TGS1: variants seen among roughly 807,000 people sequenced by gnomAD.
TGS1 encodes trimethylguanosine synthase 1, also known as trimethylguanosine synthase.
In TGS1, 69 loss-of-function variants were observed where a neutral mutation model predicts 92.2. The observed-to-expected ratio is 0.75, with a 90% CI of 0.62 to 0.91. The LOEUF (loss-of-function observed/expected upper bound fraction) is 0.91. Among genes scored for constraint, TGS1 ranks in the 40% least tolerant of loss-of-function variants. The pLI is 0.00. For missense variants in TGS1, 1,062 were observed against 1,001.2 expected, an observed-to-expected ratio of 1.06 and a Z score of -0.82; for synonymous variants, 345 against 338.1, an observed-to-expected ratio of 1.02 and a Z score of -0.22.
At chr8:55,812,748 A>G (rs1205435022) in intron 11 of TGS1, among the ~76,000 whole-genome samples, 1 of 152,128 alleles carries the variant, frequency 6.6e-6, no homozygotes, top group Non-Finnish European at 1.5e-5. Flanking sequence ...AAAAAATAAA[A>G]TTTAGAGTGT....
Position 55,786,815 on chromosome 8 carries a change from G to C in TGS1, c.917G>C (p.Ser306Thr). 1.2e-6 allele frequency: 2 copies of C among 1,614,108 alleles called. No homozygotes were observed. The highest frequency in any genetic ancestry group is 2.7e-5 in the African/African-American group (2 of 75,042). ...PSSPIMVDND[S>T]SGTSDKDHSE... ...TCACCTATTATGGTTGATAATGATA[G>C]CTCTGGTACAAGTGATAAGGATCAT... Residue 306 changes from serine to threonine, a missense_variant, in exon 4 of 13, where the codon AGC becomes ACC. Physicochemically the swap from Ser to Thr is moderately conservative, Grantham distance 58. Coordinates refer to ENST00000260129, the MANE Select transcript of TGS1 (RefSeq NM_024831.8).
In TGS1 at chr8:55,773,669, G is replaced by A; in HGVS notation, c.51G>A (p.Glu17=). 4 of 1,611,008 alleles carry A rather than the reference G, an allele frequency of 2.5e-6. No homozygotes were observed. The highest frequency in any genetic ancestry group is 1.3e-5 in the African/African-American group (1 of 74,930). The change falls in exon 1 of 13, where the codon GAG becomes GAA. Residue 17 remains glutamate (E), a synonymous_variant. Transcript: ENST00000260129. ...TGGCGGAAATGTTTCTCTTCATTGA[G>A]GAGCGGGAGGATTGTAAGATACTGT... The part of the protein sequence containing the change: ...SRVAEMFLFI[E]EREDCKILCL...
intron 1 of TGS1, among the ~76,000 whole-genome samples, chr8:55,782,146 C>CTTAATTAA (rs1221612284): frequency 1.3e-5 from 2 of 150,734 alleles, no homozygotes; most frequent in African/African-American, 4.9e-5. Flanking sequence ...AGAACTTACA[C>CTTAATTAA]TTTATTTATT....
intron 1 of TGS1, among the ~76,000 whole-genome samples, chr8:55,780,271 G>A (rs1043244502): frequency 6.6e-6 from 1 of 151,536 alleles, no homozygotes; most frequent in Non-Finnish European, 1.5e-5. Flanking sequence ...CTGGGCTCAG[G>A]TGATTCTCCC....
chr8:55,799,013 G>T lies in TGS1; in HGVS notation c.1642G>T (p.Asp548Tyr). The change falls in exon 8 of 13, where the codon GAT becomes TAT. Residue 548 changes from aspartate to tyrosine, a missense_variant. Physicochemically the swap from Asp to Tyr is radical, Grantham distance 160. Transcript: ENST00000260129. ...DNVHDASTSS[D>Y]SEEQDMSVKK... Reference sequence around the variant, plus strand: ...TGTGCACGACGCTTCCACAAGTAGTGATTCAGAGGAACAAGACATGTCTGT... The same window carrying T: ...TGTGCACGACGCTTCCACAAGTAGTTATTCAGAGGAACAAGACATGTCTGT... 6.2e-7 allele frequency: 1 copy of T among 1,614,182 alleles called. No homozygotes were observed. The highest frequency in any genetic ancestry group is 8.5e-7 in the Non-Finnish European group (1 of 1,180,016).
Position 55,815,551 on chromosome 8 carries a change from C to T in TGS1, c.2439+2433C>T, listed in dbSNP as rs372693846. Among the ~76,000 whole-genome samples, 4 of 152,268 alleles carry T rather than the reference C, an allele frequency of 2.6e-5. No homozygotes were observed. The East Asian group carries it at 7.7e-4, about 29-fold the overall frequency. On this transcript the variant is annotated intron_variant, in intron 12 of 12. Transcript: ENST00000260129. ...TTTGGGATCCCAAGTGTGTCACTGTCTGCTGTTTGAAACTCAGGCTGCATT... is the reference window on the plus strand; with the variant it reads ...TTTGGGATCCCAAGTGTGTCACTGTTTGCTGTTTGAAACTCAGGCTGCATT...
At position 55,805,016 on chromosome 8, in the gene TGS1, T is replaced by G; in HGVS notation, c.2123T>G (p.Phe708Cys). Reference sequence around the variant, plus strand: ...GGAGTTGGAGGAAATACCATTCAGTTTGCCTTAACAGGAATGAGAGGTAAT... The same window carrying G: ...GGAGTTGGAGGAAATACCATTCAGTGTGCCTTAACAGGAATGAGAGGTAAT... ...FCGVGGNTIQ[F>C]ALTGMRVIAI... Residue 708 changes from phenylalanine to cysteine, a missense_variant, in exon 10 of 13, where the codon TTT becomes TGT. By Grantham distance (205) the Phe-to-Cys change is radical. Transcript: ENST00000260129. 1 of 1,613,892 alleles carries G rather than the reference T, an allele frequency of 6.2e-7. No homozygotes were observed. The highest frequency in any genetic ancestry group is 8.5e-7 in the Non-Finnish European group (1 of 1,179,864).
Position 55,773,556 on chromosome 8 carries a change from G to C in TGS1, c.-63G>C, listed in dbSNP as rs1811277354. On this transcript the variant is annotated 5_prime_UTR_variant, in exon 1 of 13. Transcript: ENST00000260129. Reference sequence around the variant, plus strand: ...GGCCTGTTTTAAGTCTCCAGTAACCGAGCGGAGGCCCGGCAGGCGCGACCC... The same window carrying C: ...GGCCTGTTTTAAGTCTCCAGTAACCCAGCGGAGGCCCGGCAGGCGCGACCC... The C allele has an allele frequency of 1.5e-6, 2 of 1,332,508 alleles. No individual in the cohort carries two copies. Among genetic ancestry groups the C allele is most frequent in the Non-Finnish European group, 2.1e-6 (2 of 945,026 alleles). The allele number at this position is 1,332,508 out of a possible 1,614,324, so 82.5% of individuals were successfully genotyped here.
Position 55,810,516 on chromosome 8 carries a change from A to C in TGS1, c.2144-365A>C, listed in dbSNP as rs188449326. On this transcript the variant is annotated intron_variant, in intron 10 of 12. Transcript: ENST00000260129. ...TGTCTTTTCCAAAACCTAGCATTACAGGCTGTCCATACAGTCAGTGACCTT... is the reference window on the plus strand; with the variant it reads ...TGTCTTTTCCAAAACCTAGCATTACCGGCTGTCCATACAGTCAGTGACCTT... Among the ~76,000 whole-genome samples the C allele has an allele frequency of 1.5e-3, 236 of 152,352 alleles. 1 individual carries two copies. Among genetic ancestry groups the C allele is most frequent in the African/African-American group, 5.2e-3 (217 of 41,586 alleles).
Position 55,802,564 on chromosome 8 carries a change from A to G in TGS1, c.1957A>G (p.Arg653Gly). 3 of 1,614,148 alleles carry G rather than the reference A, an allele frequency of 1.9e-6. No homozygotes were observed. Among genetic ancestry groups the G allele is most frequent in the Admixed American group, 1.7e-5 (1 of 60,016 alleles). ...ELAKYWAQRY[R>G]LFSRFDDGIK... ...GGCAAAATACTGGGCCCAGAGGTAC[A>G]GGCTCTTCTCCCGTTTTGATGATGG... Residue 653 changes from arginine to glycine, a missense_variant, in exon 9 of 13, where the codon AGG (arginine) becomes GGG (glycine). Arg to Gly is a moderately radical substitution (Grantham distance 125, BLOSUM62 -2). Transcript: ENST00000260129.
Position 55,804,969 on chromosome 8 carries a change from C to T in TGS1, c.2076C>T (p.Asp692=), listed in dbSNP as rs773087921. 5.6e-6 allele frequency: 9 copies of T among 1,613,858 alleles called. No homozygotes were observed. The highest frequency in any genetic ancestry group is 4.5e-5 in the East Asian group (2 of 44,866). ...AGRVSQSFKC[D]VVVDAFCGVG... ...GTGTTAGTCAGTCCTTCAAGTGTGACGTTGTAGTAGACGCATTCTGTGGAG... is the reference window on the plus strand; with the variant it reads ...GTGTTAGTCAGTCCTTCAAGTGTGATGTTGTAGTAGACGCATTCTGTGGAG... Residue 692 remains aspartate, a synonymous_variant, in exon 10 of 13, where the codon GAC becomes GAT. Transcript: ENST00000260129.
chr8:55,812,180 G>A (rs191168410), intron 11 of TGS1, among the ~76,000 whole-genome samples: 4 of 151,990 alleles, frequency 2.6e-5, no homozygotes, highest in South Asian at 4.2e-4. Flanking sequence ...CCTCTCCACC[G>A]TAATCATCTG....
chr8:55,792,016 A>G (rs1331109166), intron 5 of TGS1, among the ~76,000 whole-genome samples: 2 of 152,212 alleles, frequency 1.3e-5, no homozygotes, highest in Non-Finnish European at 2.9e-5. Flanking sequence ...GCGTGCCTCT[A>G]CTGTGCTACC....
chr8:55,810,826 T>C, intron 10 of TGS1, 55 bp from the exon 11 acceptor site: 1 of 1,388,732 alleles, frequency 7.2e-7, no homozygotes, highest in Non-Finnish European at 1.0e-6. Context: ...CAAACTATCC[T>C]ATATAAGTAA....
chr8:55,782,618 A>G, intron 1 of TGS1, 130 bp from the exon 2 acceptor site: 1 of 611,496 alleles, frequency 1.6e-6, no homozygotes. Context: ...AAGTGAGGGA[A>G]ATGTATTAGC....
At chr8:55,777,873 C>T (rs147759899) in intron 1 of TGS1, among the ~76,000 whole-genome samples, 397 of 150,444 alleles carry the variant, frequency 2.6e-3, no homozygotes, top group Non-Finnish European at 4.3e-3. Flanking sequence ...CCTTTCTTTA[C>T]CATTTTAACA....
chr8:55,774,372 A>G (rs1811318188), intron 1 of TGS1, among the ~76,000 whole-genome samples: 2 of 152,216 alleles, frequency 1.3e-5, no homozygotes, highest in Admixed American at 6.5e-5. Flanking sequence ...GGTATATTTA[A>G]TCTCACATGC....
intron 2 of TGS1, among the ~76,000 whole-genome samples, chr8:55,783,216 C>G (rs140632306): frequency 6.6e-6 from 1 of 152,212 alleles, no homozygotes; most frequent in East Asian, 1.9e-4. Flanking sequence ...GTCAGGAGTA[C>G]GAGACCAGCC....
At chr8:55,785,099 C>G (rs944909819) in intron 2 of TGS1, among the ~76,000 whole-genome samples, 11 of 149,416 alleles carry the variant, frequency 7.4e-5, no homozygotes, top group African/African-American at 2.2e-4. Flanking sequence ...GAGTCTCGCT[C>G]TCTCACCCAG....
Sources: allele counts gnomAD v4.1 joint callset (sites outside exome capture counted in the v4.1 genomes callset), GRCh38; gene constraint gnomAD v4.1.1; transcripts MANE v1.5; gene names NCBI Gene and HGNC (gene_info 2026-07-23, HGNC 2026-07-21).